IDO2: variants seen among roughly 807,000 people sequenced by gnomAD.
IDO2 encodes the protein indoleamine 2,3-dioxygenase 2, also known as indoleamine 2,3-dioxygenase-like 1 protein.
IDO2 carries 46 observed loss-of-function variants against 45.1 expected under a neutral mutation model. That is an observed-to-expected ratio of 1.02 (90% CI 0.80 to 1.30). IDO2 has a LOEUF of 1.30. IDO2 is among the 50% of genes most tolerant of loss of function. The probability of loss-of-function intolerance (pLI) is 0.00; values close to 1 mark genes in which losing one functional copy is unlikely to be tolerated. For missense variants in IDO2, 544 were observed against 491.8 expected (o/e 1.11, Z -1.00); for synonymous variants, 218 against 184.9 (o/e 1.18, Z -1.45).
intron 2 of IDO2, 128 bp downstream of exon 2, chr8:39,949,392 A>G (rs890309415): frequency 1.5e-6 from 1 of 671,154 alleles, no homozygotes; most frequent in Admixed American, 3.1e-5. Context: ...CCTGAGAAAG[A>G]TGCTACAAAG....
intron 2 of IDO2, among the ~76,000 whole-genome samples, chr8:39,955,098 G>A (rs763956427): frequency 1.3e-5 from 2 of 150,360 alleles, no homozygotes; most frequent in Non-Finnish European, 2.9e-5. Flanking sequence ...AGGTACTAGG[G>A]CTAGGGCTTC....
chr8:40,005,335 G>A (rs750721367), exon 9 of IDO2: 1 of 1,578,524 alleles, frequency 6.3e-7, no homozygotes, highest in Non-Finnish European at 8.6e-7. Context: ...AGATTATGTA[G>A]ATCCAGACAT....
At chr8:39,981,047 C>T (rs907610377) in intron 4 of IDO2, among the ~76,000 whole-genome samples, 17 of 148,136 alleles carry the variant, frequency 1.1e-4, no homozygotes, top group African/African-American at 4.0e-4. Context: ...CCCCAGCACC[C>T]GGCCAGTGCA....
chr8:39,935,628 T>G (rs751624115), intron 1 of IDO2, among the ~76,000 whole-genome samples: 32 of 152,164 alleles, frequency 2.1e-4, no homozygotes, highest in Non-Finnish European at 4.3e-4. Flanking sequence ...TTTTGTACTT[T>G]TAGTAGAGAC....
chr8:39,952,255 A>G (rs1047962531), intron 2 of IDO2, among the ~76,000 whole-genome samples: 1 of 152,200 alleles, frequency 6.6e-6, no homozygotes, highest in Admixed American at 6.5e-5. Context: ...GCCCTGCTCA[A>G]GGGGACACCA....
Position 40,015,501 on chromosome 8 carries a change from C to T in IDO2, c.1123C>T (p.Gln375Ter). The T allele has an allele frequency of 1.1e-5, 18 of 1,614,004 alleles. No individual in the cohort carries two copies. The highest frequency in any genetic ancestry group is 1.5e-5 in the Non-Finnish European group (18 of 1,179,888). Reference sequence around the variant, plus strand: ...GCCAAACCATCTCCCAGGGCCTCCTCAGGCTTTAAAAGACAGGGGCACAGG... The same window carrying T: ...GCCAAACCATCTCCCAGGGCCTCCTTAGGCTTTAAAAGACAGGGGCACAGG... Residue 375 changes from glutamine to a stop codon, truncating the protein, a stop_gained, in exon 11 of 11, where the codon CAG becomes TAG. Transcript: ENST00000502986. LOFTEE classifies it high-confidence loss of function.
intron 1 of IDO2, among the ~76,000 whole-genome samples, chr8:39,940,345 G>C (rs1807625045): frequency 6.6e-6 from 1 of 152,178 alleles, no homozygotes; most frequent in African/African-American, 2.4e-5. Flanking sequence ...TGGGCTTACG[G>C]CTAAAGGAAA....
At chr8:40,015,640 G>A (rs1481702916) in exon 11 of IDO2, 2 of 1,456,482 alleles carry the variant, frequency 1.4e-6, no homozygotes, top group Non-Finnish European at 1.9e-6. Context: ...AGCCCCCATG[G>A]AGGGCAGGTG....
chr8:39,977,905 C>T (rs943746394), intron 3 of IDO2, among the ~76,000 whole-genome samples: 2 of 152,120 alleles, frequency 1.3e-5, no homozygotes, highest in Admixed American at 6.6e-5. Flanking sequence ...TCAGAGTAAA[C>T]GGAGTGTTTG....
intron 7 of IDO2, among the ~76,000 whole-genome samples, chr8:39,989,058 T>C (rs1425918540): frequency 6.6e-6 from 1 of 152,014 alleles, no homozygotes; most frequent in Non-Finnish European, 1.5e-5. Context: ...AGGAAAGAAG[T>C]TTAATTGACT....
chr8:39,948,661 G>A (rs929937355), intron 1 of IDO2, among the ~76,000 whole-genome samples: 2 of 152,208 alleles, frequency 1.3e-5, no homozygotes, highest in African/African-American at 2.4e-5. Flanking sequence ...TGCTTTCAGG[G>A]CTGGTAGGAA....
Position 39,988,639 on chromosome 8 carries a change from G to A in IDO2, c.549+669G>A, listed in dbSNP as rs959234878. 5.3e-5 allele frequency among the ~76,000 whole-genome samples: 8 copies of A among 151,830 alleles called. No homozygotes were observed. The South Asian group carries it at 8.3e-4, about 16-fold the overall frequency. On this transcript the variant is annotated intron_variant, in intron 7 of 10. Transcript: ENST00000502986. ...TCACCATGTTGGTCAGGCTGGCCTC[G>A]AACTCCTGACCTCGTGATCTGCTTG...
At chr8:39,984,522 G>C (rs111753657) in intron 5 of IDO2, among the ~76,000 whole-genome samples, 2,540 of 152,260 alleles carry the variant, frequency 0.017, 35 homozygotes, top group Non-Finnish European at 0.023. Flanking sequence ...GCTATTAATA[G>C]CTTCCTAGGG....
chr8:39,964,283 T>A (rs909033761), intron 3 of IDO2, among the ~76,000 whole-genome samples: 1 of 152,246 alleles, frequency 6.6e-6, no homozygotes, highest in Non-Finnish European at 1.5e-5. Context: ...TGTACCAACC[T>A]AATAGCTATG....
chr8:39,986,832 C>T (rs759974888), intron 6 of IDO2: 2 of 150,204 alleles, frequency 1.3e-5, no homozygotes, highest in Non-Finnish European at 3.0e-5. Flanking sequence ...TTCCCCAATG[C>T]TATTCTCATG....
At chr8:39,970,066 C>A (rs921257870) in intron 3 of IDO2, among the ~76,000 whole-genome samples, 1 of 152,122 alleles carries the variant, frequency 6.6e-6, no homozygotes, top group East Asian at 1.9e-4. Context: ...AGCAAAAGAG[C>A]CTTATTGCTG....
chr8:39,942,570 G>T (rs576215131), intron 1 of IDO2, among the ~76,000 whole-genome samples: 25 of 152,250 alleles, frequency 1.6e-4, no homozygotes, highest in Non-Finnish European at 2.9e-4. Context: ...AACCTGGGAG[G>T]TAGAGGTTTC....
At chr8:40,010,117 T>C (rs1802290481) in intron 9 of IDO2, among the ~76,000 whole-genome samples, 1 of 152,036 alleles carries the variant, frequency 6.6e-6, no homozygotes, top group Admixed American at 6.6e-5. Context: ...GTAAGCACAA[T>C]GAAGAAATGG....
chr8:40,001,250 T>TTG (rs1802132432), intron 8 of IDO2, among the ~76,000 whole-genome samples: 1 of 93,700 alleles, frequency 1.1e-5, no homozygotes, highest in South Asian at 3.0e-4. Flanking sequence ...TCCTCATTTT[T>TTG]TTTTTTTTTT....
Sources: gnomAD v4.1 joint callset for allele counts (sites outside exome capture counted in the v4.1 genomes callset) on GRCh38, gnomAD v4.1.1 for gene constraint, MANE v1.5 for transcripts, NCBI Gene and HGNC (gene_info 2026-07-23, HGNC 2026-07-21) for gene names.